SPDEF: variants seen among roughly 807,000 people sequenced by gnomAD.
SPDEF encodes the protein SAM pointed domain-containing Ets transcription factor.
A neutral mutation model predicts 36.0 loss-of-function variants in SPDEF; 12 were observed. That is an observed-to-expected ratio of 0.33 (90% CI 0.21 to 0.54). The LOEUF (loss-of-function observed/expected upper bound fraction) is 0.54, where lower values mean the gene tolerates loss of function less well. Ranked by LOEUF, SPDEF falls within the 20% of genes least tolerant of loss-of-function variation. The pLI is 0.93. For missense variants in SPDEF, 388 were observed against 456.9 expected (o/e 0.85, Z 1.37); for synonymous variants, 205 against 193.0 (o/e 1.06, Z -0.51).
At position 34,552,353 on chromosome 6, in the gene SPDEF, C is replaced by T. The variant is rs1048305785; in HGVS notation, c.-30+3576G>A. ...GGATGTCACCGGAGCTCTGCTGCTC[C>T]TGCCTGAGGCCCCTTGGCCGATCCT... On this transcript the variant is annotated intron_variant, in intron 1 of 5. Transcript: ENST00000374037. The surrounding 1 kb of genome is among the most constrained non-coding windows in gnomAD (Gnocchi z 4.6). 6.6e-6 allele frequency among the ~76,000 whole-genome samples: 1 copy of T among 152,240 alleles called. No individual in the cohort carries two copies. The highest frequency in any genetic ancestry group is 1.5e-5 in the Non-Finnish European group (1 of 68,038).
At chr6:34,551,094 T>C (rs1196812261) in intron 1 of SPDEF, among the ~76,000 whole-genome samples, 1 of 152,180 alleles carries the variant, frequency 6.6e-6, no homozygotes, top group Non-Finnish European at 1.5e-5. Flanking sequence ...CACCTGTCCA[T>C]GCGTGAGTGA....
At chr6:34,546,811 G>T (rs1219336217) in intron 1 of SPDEF, among the ~76,000 whole-genome samples, 3 of 152,134 alleles carry the variant, frequency 2.0e-5, no homozygotes, top group African/African-American at 7.2e-5. Flanking sequence ...ACCAAGGCGG[G>T]GCTGGGGATG....
At chr6:34,547,384 C>G (rs965323024) in intron 1 of SPDEF, among the ~76,000 whole-genome samples, 1 of 152,244 alleles carries the variant, frequency 6.6e-6, no homozygotes, top group East Asian at 1.9e-4. Context: ...GCCTTACTCT[C>G]TCTTTTTTTG....
At chr6:34,543,157 C>T (rs1233078046) in intron 2 of SPDEF, among the ~76,000 whole-genome samples, 1 of 119,522 alleles carries the variant, frequency 8.4e-6, no homozygotes, top group African/African-American at 3.2e-5. Flanking sequence ...GATTGCACCA[C>T]TGCACTGCAG....
chr6:34,544,478 G>T lies in SPDEF; in HGVS notation c.-23C>A. 6.6e-7 allele frequency: 1 copy of T among 1,515,406 alleles called. No individual in the cohort carries two copies. The highest frequency in any genetic ancestry group is 1.3e-5 in the South Asian group (1 of 78,142). The allele number at this position is 1,515,406 out of a possible 1,614,324, so 93.9% of individuals were successfully genotyped here. A position where few individuals can be genotyped will look rare whatever the true frequency, so the allele number is the denominator to read the frequency against. On this transcript the variant is annotated 5_prime_UTR_variant, in exon 2 of 6. Coordinates refer to ENST00000374037, the MANE Select transcript of SPDEF (RefSeq NM_012391.3). The surrounding 1 kb of genome is among the most constrained non-coding windows in gnomAD (Gnocchi z 4.4). ...CATGCCGCTGCTGTTTGGGCTGGCG[G>T]CTGTGTCTACGGAAATGAAAGAGGA...
chr6:34,541,717 C>T (rs185633172), intron 2 of SPDEF, among the ~76,000 whole-genome samples: 13 of 152,338 alleles, frequency 8.5e-5, no homozygotes, highest in African/African-American at 1.7e-4. Flanking sequence ...AAGGGCTAGA[C>T]GCACAGGAGC....
Position 34,555,473 on chromosome 6 carries a change from C to A in SPDEF, c.-30+456G>T, listed in dbSNP as rs980564489. Among the ~76,000 whole-genome samples the A allele has an allele frequency of 6.6e-6, 1 of 152,176 alleles. No individual in the cohort carries two copies. The highest frequency in any genetic ancestry group is 2.1e-4 in the South Asian group (1 of 4,828). The stretch of plus-strand genomic sequence containing the variant: ...ACCCGGCCTTAGACTTAGCCCTGAC[C>A]CATCAAGCTCCAGCAAGCCCCTGCC... On this transcript the variant is annotated intron_variant, in intron 1 of 5. Transcript: ENST00000374037. This position sits in a 1 kb window ranked among gnomAD's most constrained non-coding sequence, Gnocchi z 5.2.
intron 2 of SPDEF, 61 bp from the exon 3 acceptor site, chr6:34,541,242 G>A: frequency 2.7e-6 from 4 of 1,469,776 alleles, no homozygotes; most frequent in Non-Finnish European, 3.7e-6. Flanking sequence ...TGCTGTGATG[G>A]GGCACCCATG....
At chr6:34,551,397 G>A (rs1039982013) in intron 1 of SPDEF, among the ~76,000 whole-genome samples, 6 of 152,214 alleles carry the variant, frequency 3.9e-5, no homozygotes, top group African/African-American at 1.2e-4. Flanking sequence ...AGGAGGTGCA[G>A]GTGACACCCT....
At chr6:34,540,181 A>G (rs1767787110) in intron 3 of SPDEF, among the ~76,000 whole-genome samples, 1 of 151,988 alleles carries the variant, frequency 6.6e-6, no homozygotes, top group South Asian at 2.1e-4. Flanking sequence ...GCACCTGTAG[A>G]CTCAGCTACT....
intron 3 of SPDEF, 117 bp downstream of exon 3, chr6:34,540,867 T>C (rs1767802585): frequency 2.2e-6 from 2 of 899,406 alleles, no homozygotes; most frequent in Non-Finnish European, 3.4e-6. Context: ...AGATTCAGAG[T>C]GGAGTCCAGT....
rs148962956 is a variant in SPDEF at position 34,544,821 on chromosome 6, G to A, written c.-29-337C>T. Among the ~76,000 whole-genome samples the A allele has an allele frequency of 3.0e-3, 450 of 152,342 alleles. 3 individuals are homozygous for A. Among genetic ancestry groups the A allele is most frequent in the African/African-American group, 0.01 (427 of 41,586 alleles). Reference sequence around the variant, plus strand: ...CCTCATTCAGCCCTCACAATGGAAGGCATGATTGCGCCATTTGGCGGATGA... The same window carrying A: ...CCTCATTCAGCCCTCACAATGGAAGACATGATTGCGCCATTTGGCGGATGA... On this transcript the variant is annotated intron_variant, in intron 1 of 5. Transcript: ENST00000374037. This position sits in a 1 kb window ranked among gnomAD's most constrained non-coding sequence, Gnocchi z 4.4.
chr6:34,542,630 T>A (rs895108952), intron 2 of SPDEF, among the ~76,000 whole-genome samples: 32 of 152,212 alleles, frequency 2.1e-4, no homozygotes, highest in African/African-American at 7.5e-4. Context: ...AGCTCATGCC[T>A]GTAATCCCAG....
chr6:34,546,986 C>G (rs1447407704), intron 1 of SPDEF, among the ~76,000 whole-genome samples: 7 of 150,344 alleles, frequency 4.7e-5, no homozygotes, highest in Admixed American at 3.3e-4. Flanking sequence ...GGCTCCACCC[C>G]TGGGGACCCC....
chr6:34,544,312 G>A lies in SPDEF; in HGVS notation c.144C>T (p.Pro48=), dbSNP rs56262607. Residue 48 remains proline, a synonymous_variant, in exon 2 of 6, where the codon CCC becomes CCT. Transcript: ENST00000374037. The surrounding 1 kb of genome is among the most constrained non-coding windows in gnomAD (Gnocchi z 4.4). ...LERRDWSPSP[P]ATPEQGLSAF... ...CGGACAGGCCCTGCTCGGGCGTGGC[G>A]GGTGGACTGGGACTCCAGTCCCGTC... The A allele has an allele frequency of 7.9e-3, 12,673 of 1,610,262 alleles. 66 individuals are homozygous for A. The highest frequency in any genetic ancestry group is 9.6e-3 in the Non-Finnish European group (11,377 of 1,179,772).
chr6:34,551,877 C>T (rs867942632), intron 1 of SPDEF, among the ~76,000 whole-genome samples: 11 of 152,184 alleles, frequency 7.2e-5, no homozygotes, highest in African/African-American at 2.7e-4. Context: ...GTGAGTCATG[C>T]TGACGGGGCG....
chr6:34,539,594 A>G lies in SPDEF; in HGVS notation c.635-32T>C. 1 of 1,556,002 alleles carries G rather than the reference A, an allele frequency of 6.4e-7. No individual in the cohort carries two copies. The highest frequency in any genetic ancestry group is 2.4e-5 in the East Asian group (1 of 41,458). On this transcript the variant is annotated intron_variant, in intron 3 of 5. Coordinates refer to ENST00000374037, the MANE Select transcript of SPDEF (RefSeq NM_012391.3). This position sits in a 1 kb window ranked among gnomAD's most constrained non-coding sequence, Gnocchi z 5.2. ...GGCAAGGAGAGGGGGTTGGGGACCCAGGAGAGGCCCCGAGGGTGGAGGAGG... is the reference window on the plus strand; with the variant it reads ...GGCAAGGAGAGGGGGTTGGGGACCCGGGAGAGGCCCCGAGGGTGGAGGAGG...
In SPDEF at chr6:34,540,849, T is replaced by C; in HGVS notation, c.634+135A>G. On this transcript the variant is annotated intron_variant, in intron 3 of 5. Coordinates refer to ENST00000374037, the MANE Select transcript of SPDEF (RefSeq NM_012391.3). Reference sequence around the variant, plus strand: ...CCAGGATCCAGGAGGCAGCTGAAACTGGGGCTGAGATTCAGAGTGGAGTCC... The same window carrying C: ...CCAGGATCCAGGAGGCAGCTGAAACCGGGGCTGAGATTCAGAGTGGAGTCC... The C allele has an allele frequency of 3.8e-6, 3 of 799,980 alleles. No individual in the cohort carries two copies. In the South Asian group the frequency reaches 5.1e-5, roughly 14 times the overall value. The allele number at this position is 799,980 out of a possible 1,614,324, so 49.6% of individuals were successfully genotyped here. A position where few individuals can be genotyped will look rare whatever the true frequency, so the allele number is the denominator to read the frequency against.
In SPDEF at chr6:34,555,156, C is replaced by A. The variant is rs150483643; in HGVS notation, c.-30+773G>T. Among the ~76,000 whole-genome samples, 1 of 152,128 alleles carries A rather than the reference C, an allele frequency of 6.6e-6. No individual in the cohort carries two copies. Among genetic ancestry groups the A allele is most frequent in the Non-Finnish European group, 1.5e-5 (1 of 68,014 alleles). On this transcript the variant is annotated intron_variant, in intron 1 of 5. Coordinates refer to ENST00000374037, the MANE Select transcript of SPDEF (RefSeq NM_012391.3). This position sits in a 1 kb window ranked among gnomAD's most constrained non-coding sequence, Gnocchi z 5.2. ...CACGCACGCACACACCTCCACCAGC[C>A]TCAGGGGCACCCAGTCGCCCAGGCC... is the stretch of plus-strand genomic sequence containing the variant.
Sources: gnomAD v4.1 joint callset for allele counts (sites outside exome capture counted in the v4.1 genomes callset) on GRCh38, gnomAD v4.1.1 for gene constraint, Gnocchi (gnomAD v3.1) non-coding constraint, MANE v1.5 for transcripts, NCBI Gene and HGNC (gene_info 2026-07-23, HGNC 2026-07-21) for gene names.